The following NHSL1 variants were observed in gnomAD, a reference collection of about 807,000 sequenced individuals.
NHSL1 encodes NHS like 1.
A neutral mutation model predicts 95.0 loss-of-function variants in NHSL1; 48 were observed. The ratio of observed to expected loss-of-function variants is 0.51; its 90% CI spans 0.40 to 0.64. The LOEUF (loss-of-function observed/expected upper bound fraction) is 0.64, where lower values mean the gene tolerates loss of function less well. Among genes scored for constraint, NHSL1 ranks in the 30% least tolerant of loss-of-function variants. NHSL1 has a pLI of 0.00. For missense variants in NHSL1, 1,971 were observed against 2,077.7 expected, an observed-to-expected ratio of 0.95 and a Z score of 1.00; for synonymous variants, 783 against 833.9, an observed-to-expected ratio of 0.94 and a Z score of 1.05.
intron 1 of NHSL1, among the ~76,000 whole-genome samples, chr6:138,510,189 A>T (rs1290930973): frequency 1.3e-5 from 2 of 152,214 alleles, no homozygotes; most frequent in African/African-American, 4.8e-5. Context: ...CTGGCTGTTC[A>T]GTTTTTCTTT....
At chr6:138,466,417 G>T (rs527716872) in intron 3 of NHSL1, among the ~76,000 whole-genome samples, 53 of 152,300 alleles carry the variant, frequency 3.5e-4, no homozygotes, top group Middle Eastern at 3.4e-3. Flanking sequence ...TTCCAGAAAT[G>T]AATGATTTTT....
At chr6:138,666,835 AG>A (rs531446162) in intron 1 of NHSL1, among the ~76,000 whole-genome samples, 1 of 152,332 alleles carries the variant, frequency 6.6e-6, no homozygotes, top group East Asian at 1.9e-4. Context: ...AGAGGCATGC[AG>A]GGCATAAATT....
Position 138,516,284 on chromosome 6 carries a change from C to T in NHSL1, c.17-19913G>A, listed in dbSNP as rs116795521. Among the ~76,000 whole-genome samples, 648 of 152,202 alleles carry T rather than the reference C, an allele frequency of 4.3e-3. 4 individuals are homozygous for T. Among genetic ancestry groups the T allele is most frequent in the African/African-American group, 0.015 (634 of 41,510 alleles). On this transcript the variant is annotated intron_variant, in intron 1 of 4. Coordinates refer to the NHSL1 transcript ENST00000342260. Reference sequence around the variant, plus strand: ...AAAACCTGGGTGCCAGCTTTGACTGCGGCAGAGATAACAGCTCCTTTGGCC... The same window carrying T: ...AAAACCTGGGTGCCAGCTTTGACTGTGGCAGAGATAACAGCTCCTTTGGCC...
At chr6:138,560,553 C>T (rs148617746) in intron 1 of NHSL1, among the ~76,000 whole-genome samples, 10 of 152,308 alleles carry the variant, frequency 6.6e-5, no homozygotes, top group South Asian at 2.1e-4. Flanking sequence ...AATGACTTTA[C>T]GGTAGAAATC....
In NHSL1 at chr6:138,567,197, G is replaced by C. The variant is rs548317745; in HGVS notation, c.202+4513C>G. 5.3e-5 allele frequency among the ~76,000 whole-genome samples: 8 copies of C among 151,290 alleles called. No homozygotes were observed. In the South Asian group the frequency reaches 1.7e-3, roughly 32 times the overall value. On this transcript the variant is annotated intron_variant, in intron 1 of 6. Coordinates refer to the NHSL1 transcript ENST00000427025. Reference sequence around the variant, plus strand: ...GGCTGGAATGCAGTGGTGTGATCTCGGCTCACTGCAGACTCGACCTCCCAG... The same window carrying C: ...GGCTGGAATGCAGTGGTGTGATCTCCGCTCACTGCAGACTCGACCTCCCAG...
intron 1 of NHSL1, among the ~76,000 whole-genome samples, chr6:138,517,734 C>T (rs1286204622): frequency 1.3e-5 from 2 of 152,202 alleles, no homozygotes; most frequent in East Asian, 3.8e-4. Context: ...AACAGTGAAA[C>T]ACTGCTGCTG....
intron 2 of NHSL1, among the ~76,000 whole-genome samples, chr6:138,484,353 TA>T: frequency 6.6e-6 from 1 of 150,454 alleles, no homozygotes; most frequent in South Asian, 2.1e-4. Flanking sequence ...GGGGAGGGGG[TA>T]AAAAAAAGGA....
intron 1 of NHSL1, among the ~76,000 whole-genome samples, chr6:138,691,619 G>A (rs914502913): frequency 2.0e-5 from 3 of 152,020 alleles, no homozygotes; most frequent in African/African-American, 2.4e-5. Context: ...TTACACTTAG[G>A]ATTATGACCA....
chr6:138,476,449 G>A (rs930412460), intron 2 of NHSL1, among the ~76,000 whole-genome samples: 2 of 152,118 alleles, frequency 1.3e-5, no homozygotes, highest in East Asian at 3.9e-4. Context: ...CAAACAATTG[G>A]TACACATGGA....
chr6:138,545,866 C>T, upstream of NHSL1: 1 of 980,386 alleles, frequency 1.0e-6, no homozygotes, highest in Admixed American at 6.1e-5. Context: ...AATCAGCCTG[C>T]AATCATCTTG....
At chr6:138,433,856 T>C (rs1328488481) in intron 5 of NHSL1, among the ~76,000 whole-genome samples, 176 bp from the exon 6 acceptor site, 1 of 152,222 alleles carries the variant, frequency 6.6e-6, no homozygotes, top group East Asian at 1.9e-4. Context: ...AAATGAAAAT[T>C]ATTGTCATGA....
At chr6:138,648,156 C>G (rs1785044089) in intron 1 of NHSL1, among the ~76,000 whole-genome samples, 1 of 151,954 alleles carries the variant, frequency 6.6e-6, no homozygotes, top group African/African-American at 2.4e-5. Context: ...CTTTTCCAGA[C>G]CGTACACACA....
chr6:138,498,644 A>G (rs148384326), intron 1 of NHSL1, among the ~76,000 whole-genome samples: 2 of 152,378 alleles, frequency 1.3e-5, no homozygotes, highest in African/African-American at 4.8e-5. Flanking sequence ...AAAGAAATGT[A>G]AGTCAATGGT....
At position 138,692,308 on chromosome 6, in the gene NHSL1, G is replaced by T. The variant is rs1785689296; in HGVS notation, c.96+168C>A. On this transcript the variant is annotated intron_variant, in intron 1 of 3. Transcript: ENST00000491526. This position sits in a 1 kb window ranked among gnomAD's most constrained non-coding sequence, Gnocchi z 4.0. Reference sequence around the variant, plus strand: ...AAGTCACAGAGCGCTCTGCGCCCCTGCCACCTGCCCAGCCTCCCGCTGGGG... The same window carrying T: ...AAGTCACAGAGCGCTCTGCGCCCCTTCCACCTGCCCAGCCTCCCGCTGGGG... 4 of 386,626 alleles carry T rather than the reference G, an allele frequency of 1.0e-5. No homozygotes were observed. Among genetic ancestry groups the T allele is most frequent in the Non-Finnish European group, 2.1e-5 (4 of 193,416 alleles). 23.9% of individuals were successfully genotyped at this position (386,626 alleles called of 1,614,324 possible).
intron 1 of NHSL1, among the ~76,000 whole-genome samples, chr6:138,589,418 CG>C (rs981125194): frequency 6.6e-5 from 10 of 152,130 alleles, no homozygotes; most frequent in African/African-American, 2.4e-4. Flanking sequence ...ACGAGCCAAG[CG>C]GGGGCCTGGC....
upstream of NHSL1, among the ~76,000 whole-genome samples, chr6:138,574,684 A>G (rs1467431280): frequency 6.9e-6 from 1 of 145,068 alleles, no homozygotes; most frequent in Non-Finnish European, 1.5e-5. Context: ...AAAAAAAAAA[A>G]AAAGAAAAGA....
intron 1 of NHSL1, among the ~76,000 whole-genome samples, chr6:138,542,175 G>A (rs556274894): frequency 1.3e-5 from 2 of 152,320 alleles, no homozygotes; most frequent in Admixed American, 1.3e-4. Flanking sequence ...AAGGAAGGCG[G>A]TAGGAAGAGG....
In NHSL1 at chr6:138,442,101, A is replaced by T. The variant is rs780592657; in HGVS notation, c.546T>A (p.Asp182Glu). ...GAGACCGCCGAAGGCTGGCCTGGCGATCGAAATTCTCCCCTAATGTAGAGT... is the reference window on the plus strand; with the variant it reads ...GAGACCGCCGAAGGCTGGCCTGGCGTTCGAAATTCTCCCCTAATGTAGAGT... Reference protein sequence around the residue: ...VPINITGENFDRQASLRRSLI... With the variant: ...VPINITGENFERQASLRRSLI... The change falls in exon 5 of 8, where the codon GAT becomes GAA. Residue 182 changes from aspartate (D) to glutamate (E), a missense_variant. Asp to Glu is a conservative substitution (Grantham distance 45). Transcript: ENST00000343505. 1 of 1,550,096 alleles carries T rather than the reference A, an allele frequency of 6.5e-7. No individual in the cohort carries two copies. The highest frequency in any genetic ancestry group is 1.2e-5 in the South Asian group (1 of 83,670).
At chr6:138,559,075 A>C (rs983780040) in intron 1 of NHSL1, among the ~76,000 whole-genome samples, 7 of 152,092 alleles carry the variant, frequency 4.6e-5, no homozygotes, top group Non-Finnish European at 2.9e-5. Context: ...AAAAAAGAAA[A>C]CCACCAAAAC....
Sources: allele counts gnomAD v4.1 joint callset (sites outside exome capture counted in the v4.1 genomes callset), GRCh38; gene constraint gnomAD v4.1.1; non-coding constraint Gnocchi (gnomAD v3.1); transcripts MANE v1.5; gene names NCBI Gene and HGNC (gene_info 2026-07-23, HGNC 2026-07-21).